CERKL: variants seen among roughly 807,000 people sequenced by gnomAD.
CERKL encodes the protein ceramide kinase-like protein.
Under a neutral mutation model 63.4 loss-of-function variants are expected in CERKL, and 61 were observed. That is an observed-to-expected ratio of 0.96 (90% CI 0.78 to 1.19). The LOEUF is 1.19. Ranked by LOEUF, CERKL falls within the 50% of genes most tolerant of loss-of-function variation. The pLI, the probability that CERKL is intolerant of heterozygous loss-of-function variation, is 0.00. For missense variants in CERKL, 675 were observed against 655.5 expected (o/e 1.03, Z -0.33); for synonymous variants, 250 against 230.5 (o/e 1.08, Z -0.77).
chr2:181,626,954 G>GGATTTTCC (rs1686733497), intron 1 of CERKL, among the ~76,000 whole-genome samples: 1 of 152,192 alleles, frequency 6.6e-6, no homozygotes, highest in African/African-American at 2.4e-5. Flanking sequence ...GAGAGTAGCT[G>GGATTTTCC]GATTTTCCTT....
intron 1 of CERKL, among the ~76,000 whole-genome samples, chr2:181,631,346 A>G (rs984111107): frequency 1.9e-4 from 29 of 152,200 alleles, no homozygotes; most frequent in African/African-American, 6.8e-4. Flanking sequence ...ACCCAGGAGA[A>G]ATCAGCATAG....
intron 1 of CERKL, among the ~76,000 whole-genome samples, chr2:181,612,948 A>G (rs1686030482): frequency 6.6e-6 from 1 of 152,200 alleles, no homozygotes; most frequent in Admixed American, 6.5e-5. Flanking sequence ...TACAATGTGA[A>G]ATGATTAAAA....
intron 8 of CERKL, chr2:181,548,213 A>G (rs1381674205): frequency 1.9e-6 from 1 of 515,160 alleles, no homozygotes; most frequent in Non-Finnish European, 3.4e-6. Flanking sequence ...TGCCTGGCAT[A>G]TAGTAGGCAC....
Position 181,558,523 on chromosome 2 carries a change from A to G in CERKL, c.820+43T>C, listed in dbSNP as rs1250749578. The stretch of plus-strand genomic sequence containing the variant: ...AGATTAGCAAGTAAGAAAGGAAAAG[A>G]GGGAGAAGGGTCAGTTTAATGAATC... On this transcript the variant is annotated intron_variant, in intron 5 of 12. Transcript: ENST00000410087. This position sits in a 1 kb window ranked among gnomAD's most constrained non-coding sequence, Gnocchi z 4.2. 2.5e-6 allele frequency: 4 copies of G among 1,602,790 alleles called. No individual in the cohort carries two copies. The Admixed American group carries it at 6.7e-5, about 27-fold the overall frequency.
intron 3 of CERKL, among the ~76,000 whole-genome samples, chr2:181,568,946 G>C (rs1300648795): frequency 6.7e-6 from 1 of 149,764 alleles, no homozygotes; most frequent in Non-Finnish European, 1.5e-5. Context: ...TATTCCAAAA[G>C]CTAAAAACAT....
At chr2:181,555,384 A>C (rs1374811847) in intron 5 of CERKL, among the ~76,000 whole-genome samples, 1 of 152,218 alleles carries the variant, frequency 6.6e-6, no homozygotes, top group Non-Finnish European at 1.5e-5. Flanking sequence ...CCCAAAATGC[A>C]TCATTTTTCT....
chr2:181,587,594 T>C (rs1288214068), intron 2 of CERKL, among the ~76,000 whole-genome samples: 1 of 152,138 alleles, frequency 6.6e-6, no homozygotes, highest in African/African-American at 2.4e-5. Context: ...TAACTGGCTT[T>C]AGGAAATTCT....
intron 4 of CERKL, among the ~76,000 whole-genome samples, chr2:181,564,242 G>A (rs1688569456): frequency 1.3e-5 from 2 of 152,090 alleles, no homozygotes; most frequent in African/African-American, 2.4e-5. Context: ...AAAGGCCACT[G>A]ACTGATATTC....
At chr2:181,613,907 A>G (rs1161483409) in intron 1 of CERKL, among the ~76,000 whole-genome samples, 1 of 152,240 alleles carries the variant, frequency 6.6e-6, no homozygotes, top group African/African-American at 2.4e-5. Context: ...CATGTATATA[A>G]TATTAGTTTT....
chr2:181,580,259 G>A (rs1009052081), intron 2 of CERKL, among the ~76,000 whole-genome samples: 1 of 151,774 alleles, frequency 6.6e-6, no homozygotes, highest in Admixed American at 6.6e-5. Context: ...AAGATAAGTG[G>A]TGAACAATTC....
chr2:181,549,393 A>AT (rs918762280), intron 6 of CERKL, among the ~76,000 whole-genome samples: 51 of 152,062 alleles, frequency 3.4e-4, no homozygotes, highest in Non-Finnish European at 4.4e-5. Context: ...ACACTACAAT[A>AT]TTTTTTTTCT....
In CERKL at chr2:181,566,126, T is replaced by TA. The variant is rs772304991; in HGVS notation, c.614-6dup. The TA allele has an allele frequency of 1.1e-5, 18 of 1,607,494 alleles. 1 individual carries two copies. In the East Asian group the frequency reaches 1.6e-4, roughly 14 times the overall value. On this transcript the variant is annotated splice_region_variant and splice_polypyrimidine_tract_variant and intron_variant, in intron 3 of 12. Transcript: ENST00000410087. The stretch of plus-strand genomic sequence containing the variant: ...CGTGCCCTTCATATTCCATTACTAT[T>TA]AAAAAAACACACACACATACACAAA...
chr2:181,538,616 T>C (rs1230311309), intron 12 of CERKL, among the ~76,000 whole-genome samples: 1 of 152,150 alleles, frequency 6.6e-6, no homozygotes, highest in Non-Finnish European at 1.5e-5. Context: ...AGTTGCTATG[T>C]AAAATTGTTC....
intron 1 of CERKL, among the ~76,000 whole-genome samples, chr2:181,624,739 G>A (rs1451533948): frequency 6.6e-6 from 1 of 152,156 alleles, no homozygotes; most frequent in African/African-American, 2.4e-5. Flanking sequence ...TAGAATGAAA[G>A]ACAAAGGGTG....
chr2:181,553,167 T>C (rs1226890302), intron 5 of CERKL, among the ~76,000 whole-genome samples: 2 of 152,184 alleles, frequency 1.3e-5, no homozygotes, highest in African/African-American at 4.8e-5. Flanking sequence ...GAACAAGTAG[T>C]GTAGAAACCT....
At chr2:181,628,311 C>T (rs148965970) in intron 1 of CERKL, among the ~76,000 whole-genome samples, 4 of 152,150 alleles carry the variant, frequency 2.6e-5, no homozygotes, top group Non-Finnish European at 5.9e-5. Context: ...TCCTAAGGAG[C>T]TCTGTCGTAC....
intron 2 of CERKL, among the ~76,000 whole-genome samples, chr2:181,585,239 CT>C (rs1684711019): frequency 6.6e-6 from 1 of 152,132 alleles, no homozygotes; most frequent in Non-Finnish European, 1.5e-5. Context: ...CATGATTCTG[CT>C]CTCTGCTATG....
intron 1 of CERKL, among the ~76,000 whole-genome samples, chr2:181,608,255 G>C (rs923463528): frequency 1.3e-5 from 2 of 151,684 alleles, no homozygotes; most frequent in Non-Finnish European, 2.9e-5. Flanking sequence ...AATCTTTAAA[G>C]TCCTTCAAAT....
intron 1 of CERKL, chr2:181,649,734 A>G (rs1268041875): frequency 1.3e-5 from 2 of 152,198 alleles, no homozygotes; most frequent in African/African-American, 4.8e-5. Context: ...ACAGCGTTAT[A>G]ATACTAGAAA....
Sources: allele counts gnomAD v4.1 joint callset (sites outside exome capture counted in the v4.1 genomes callset), GRCh38; gene constraint gnomAD v4.1.1; non-coding constraint Gnocchi (gnomAD v3.1); transcripts MANE v1.5; gene names NCBI Gene and HGNC (gene_info 2026-07-23, HGNC 2026-07-21).